Variants in CNTN4 observed in about 807,000 individuals in gnomAD.
The protein encoded by CNTN4 is contactin-4.
CNTN4 carries 77 observed loss-of-function variants against 122.5 expected under a neutral mutation model. The observed-to-expected ratio is 0.63, with a 90% CI of 0.52 to 0.76. The LOEUF is 0.76. Among genes scored for constraint, CNTN4 ranks in the 30% least tolerant of loss-of-function variants. The probability of loss-of-function intolerance (pLI) is 0.00; values close to 1 mark genes in which losing one functional copy is unlikely to be tolerated. For missense variants in CNTN4, 1,256 were observed against 1,259.1 expected (o/e 1.00, Z 0.04); for synonymous variants, 512 against 447.0 (o/e 1.15, Z -1.83).
chr3:2,592,115 G>T (rs1465353334), intron 4 of CNTN4, among the ~76,000 whole-genome samples: 4 of 151,938 alleles, frequency 2.6e-5, no homozygotes, highest in Non-Finnish European at 4.4e-5. Context: ...TCCTGGCCTC[G>T]AGCAGTCCTC....
intron 2 of CNTN4, among the ~76,000 whole-genome samples, chr3:2,170,820 A>G (rs750922708): frequency 6.6e-6 from 1 of 152,140 alleles, no homozygotes; most frequent in Non-Finnish European, 1.5e-5. Flanking sequence ...AATAGAACAA[A>G]CCGTAGTTAT....
At position 3,022,278 on chromosome 3, in the gene CNTN4, TG is replaced by T. The variant is rs542512871; in HGVS notation, c.1487-3822del. Among the ~76,000 whole-genome samples, 925 of 152,176 alleles carry T rather than the reference TG, an allele frequency of 6.1e-3. 6 individuals are homozygous for T. Among genetic ancestry groups the T allele is most frequent in the Non-Finnish European group, 0.011 (717 of 68,002 alleles). ...ATAAAAATAAAATACTAGCTGGACA[TG>T]GTGTTGCATGCCTCTAGTCCTACCT... On this transcript the variant is annotated intron_variant, in intron 14 of 24. Transcript: ENST00000418658.
chr3:2,953,713 A>C (rs1030864795), intron 13 of CNTN4, among the ~76,000 whole-genome samples: 1 of 152,136 alleles, frequency 6.6e-6, no homozygotes, highest in Non-Finnish European at 1.5e-5. Flanking sequence ...CTAGGCAAAA[A>C]TGTCCTGACT....
intron 3 of CNTN4, among the ~76,000 whole-genome samples, chr3:2,501,830 G>C (rs138425515): frequency 6.6e-6 from 1 of 151,972 alleles, no homozygotes; most frequent in Non-Finnish European, 1.5e-5. Context: ...TTTGAGCCTC[G>C]ACATAACACC....
chr3:2,537,499 C>G (rs1037024514), intron 3 of CNTN4, among the ~76,000 whole-genome samples: 1 of 152,062 alleles, frequency 6.6e-6, no homozygotes, highest in Non-Finnish European at 1.5e-5. Context: ...TGCATCTTGC[C>G]TCATATGTCT....
At position 2,621,881 on chromosome 3, in the gene CNTN4, C is replaced by T. The variant is rs1041431404; in HGVS notation, c.55+50323C>T. 5.9e-5 allele frequency among the ~76,000 whole-genome samples: 9 copies of T among 152,128 alleles called. 1 individual carries two copies. Among genetic ancestry groups the T allele is most frequent in the South Asian group, 2.1e-4 (1 of 4,828 alleles). On this transcript the variant is annotated intron_variant, in intron 4 of 24. Coordinates refer to ENST00000418658, the MANE Select transcript of CNTN4 (RefSeq NM_175607.3). ...TAGCTTCTCAGAAGATTGATGTTCT[C>T]TCTGGGATCTTTTGTGTGTCCAGCA...
intron 3 of CNTN4, among the ~76,000 whole-genome samples, chr3:2,414,898 G>C (rs1442895543): frequency 6.6e-6 from 1 of 152,128 alleles, no homozygotes; most frequent in African/African-American, 2.4e-5. Context: ...CAGATTATTT[G>C]TACATTAAAG....
intron 14 of CNTN4, among the ~76,000 whole-genome samples, chr3:3,005,323 T>G (rs558526298): frequency 5.9e-5 from 9 of 152,350 alleles, no homozygotes; most frequent in African/African-American, 2.2e-4. Flanking sequence ...TACTTCCTTT[T>G]TGCTTACTAA....
At chr3:2,295,216 T>A (rs2042266339) in intron 2 of CNTN4, among the ~76,000 whole-genome samples, 1 of 140,672 alleles carries the variant, frequency 7.1e-6, no homozygotes, top group African/African-American at 2.8e-5. Flanking sequence ...CTGGGTGAAA[T>A]GGTATTTCTA....
chr3:2,973,139 C>T (rs74351615), intron 13 of CNTN4, among the ~76,000 whole-genome samples: 6 of 152,132 alleles, frequency 3.9e-5, no homozygotes, highest in Middle Eastern at 3.4e-3. Flanking sequence ...GAAATGAAAT[C>T]GCTTTCTTTG....
intron 10 of CNTN4, among the ~76,000 whole-genome samples, chr3:2,893,930 T>C (rs2094076016): frequency 6.6e-6 from 1 of 152,210 alleles, no homozygotes; most frequent in Admixed American, 6.5e-5. Flanking sequence ...AGCCTTTGTT[T>C]ATGTGAGTTA....
chr3:2,248,052 A>G (rs1162384923), intron 2 of CNTN4, among the ~76,000 whole-genome samples: 1 of 151,876 alleles, frequency 6.6e-6, no homozygotes, highest in Non-Finnish European at 1.5e-5. Flanking sequence ...TTTGTTTACT[A>G]TCTCCTCATG....
chr3:2,418,193 C>G (rs1451699410), intron 3 of CNTN4, among the ~76,000 whole-genome samples: 1 of 152,058 alleles, frequency 6.6e-6, no homozygotes, highest in African/African-American at 2.4e-5. Context: ...AAATATACCG[C>G]TGGTGAGGTA....
At chr3:2,441,264 A>G (rs958938713) in intron 3 of CNTN4, among the ~76,000 whole-genome samples, 9 of 152,208 alleles carry the variant, frequency 5.9e-5, no homozygotes, top group Non-Finnish European at 1.0e-4. Context: ...CATTATTGGG[A>G]TGAGTGGACT....
intron 2 of CNTN4, among the ~76,000 whole-genome samples, chr3:2,212,400 C>T (rs2038661898): frequency 1.3e-5 from 2 of 152,302 alleles, no homozygotes; most frequent in African/African-American, 4.8e-5. Context: ...TTGATTAACT[C>T]ACAGTTCCAC....
intron 3 of CNTN4, among the ~76,000 whole-genome samples, chr3:2,471,199 G>C (rs1048216087): frequency 2.0e-5 from 3 of 152,184 alleles, no homozygotes; most frequent in Non-Finnish European, 4.4e-5. Context: ...CTCAAACTAA[G>C]TCCCAGAGAG....
At chr3:2,184,219 C>G (rs970874838) in intron 2 of CNTN4, among the ~76,000 whole-genome samples, 2 of 152,098 alleles carry the variant, frequency 1.3e-5, no homozygotes, top group African/African-American at 2.4e-5. Context: ...TGCCTAGGCT[C>G]AAGTAATCCA....
chr3:2,819,584 AC>A lies in CNTN4; in HGVS notation c.454+4del. The A allele has an allele frequency of 6.2e-7, 1 of 1,603,310 alleles. No individual in the cohort carries two copies. The highest frequency in any genetic ancestry group is 1.1e-5 in the South Asian group (1 of 90,882). On this transcript the variant is annotated splice_donor_region_variant and intron_variant, in intron 7 of 24. Coordinates refer to ENST00000418658, the MANE Select transcript of CNTN4 (RefSeq NM_175607.3). Reference sequence around the variant, plus strand: ...TGGCCCGCCACCCCATTCTGGAGGTACATATAAATGAACTGACATATGCATG... The same window carrying A: ...TGGCCCGCCACCCCATTCTGGAGGTAATATAAATGAACTGACATATGCATG...
intron 4 of CNTN4, among the ~76,000 whole-genome samples, chr3:2,617,777 C>T (rs2081829378): frequency 6.6e-6 from 1 of 151,786 alleles, no homozygotes; most frequent in Admixed American, 6.6e-5. Context: ...TCAAGGAATA[C>T]AAGGATTCTT....
Sources: allele counts gnomAD v4.1 joint callset (sites outside exome capture counted in the v4.1 genomes callset), GRCh38; gene constraint gnomAD v4.1.1; transcripts MANE v1.5; gene names NCBI Gene and HGNC (gene_info 2026-07-23, HGNC 2026-07-21).